Variants in NDUFA12 observed in about 807,000 individuals in gnomAD.
NDUFA12 encodes the protein NADH:ubiquinone oxidoreductase subunit A12, also known as NADH dehydrogenase [ubiquinone] 1 alpha subcomplex subunit 12.
In NDUFA12, 17 loss-of-function variants were observed where a neutral mutation model predicts 20.3. The ratio of observed to expected loss-of-function variants is 0.84; its 90% confidence interval spans 0.57 to 1.26. The LOEUF (loss-of-function observed/expected upper bound fraction) is 1.26, where lower values mean the gene tolerates loss of function less well. Among genes scored for constraint, NDUFA12 ranks in the 50% most tolerant of loss-of-function variants. The pLI is 0.00. For missense variants in NDUFA12, 191 were observed against 183.7 expected (o/e 1.04, Z -0.23); for synonymous variants, 72 against 63.6 (o/e 1.13, Z -0.63).
chr12:95,001,972 G>A (rs1032718963), intron 2 of NDUFA12, among the ~76,000 whole-genome samples: 7 of 151,904 alleles, frequency 4.6e-5, no homozygotes, highest in African/African-American at 1.4e-4. Context: ...CAAAGTGCTG[G>A]GATTACAGGC....
At chr12:94,991,290 A>C (rs1198237042) in intron 3 of NDUFA12, among the ~76,000 whole-genome samples, 1 of 152,018 alleles carries the variant, frequency 6.6e-6, no homozygotes, top group Non-Finnish European at 1.5e-5. Flanking sequence ...AATAATATTA[A>C]TAATAATAAA....
chr12:95,002,462 A>G lies in NDUFA12; in HGVS notation c.169+277T>C, dbSNP rs7965015. 0.28 allele frequency among the ~76,000 whole-genome samples: 37,151 copies of G among 132,712 alleles called. 6,901 individuals are homozygous for G. Among genetic ancestry groups the G allele is most frequent in the East Asian group, 0.36 (1,566 of 4,396 alleles). The allele number at this position is 132,712 out of a possible 152,430, so 87.1% of individuals were successfully genotyped here. On this transcript the variant is annotated intron_variant, in intron 2 of 3. Coordinates refer to ENST00000327772, the MANE Select transcript of NDUFA12 (RefSeq NM_018838.5). ...CAAAAAAAAAAAAAAAAAAAAAAAA[A>G]AAGAACAAAAACACTTCAAAATTTG... is the stretch of plus-strand genomic sequence containing the variant.
chr12:94,985,447 A>G (rs1874397319), intron 3 of NDUFA12, among the ~76,000 whole-genome samples: 1 of 151,434 alleles, frequency 6.6e-6, no homozygotes, highest in African/African-American at 2.4e-5. Context: ...ACATGGTGAA[A>G]CCTCGTCTCT....
At chr12:95,001,076 A>G (rs546864819) in intron 2 of NDUFA12, among the ~76,000 whole-genome samples, 1 of 151,966 alleles carries the variant, frequency 6.6e-6, no homozygotes, top group East Asian at 1.9e-4. Flanking sequence ...AGGCTGAGAC[A>G]AGAGGATGGC....
intron 3 of NDUFA12, among the ~76,000 whole-genome samples, chr12:94,987,072 A>G (rs906962219): frequency 1.1e-4 from 17 of 152,316 alleles, no homozygotes; most frequent in Admixed American, 7.2e-4. Context: ...TAACTTTAGA[A>G]TGGAGAAAAC....
At chr12:94,992,653 G>A (rs1445380600) in intron 3 of NDUFA12, among the ~76,000 whole-genome samples, 1 of 152,186 alleles carries the variant, frequency 6.6e-6, no homozygotes, top group Non-Finnish European at 1.5e-5. Context: ...TTCCTGCCTA[G>A]CTCACTCTCT....
At chr12:94,974,365 G>T (rs751790005) in intron 3 of NDUFA12, among the ~76,000 whole-genome samples, 2 of 152,082 alleles carry the variant, frequency 1.3e-5, no homozygotes, top group Non-Finnish European at 2.9e-5. Context: ...GGGAGGATAC[G>T]GAGAAAAGGG....
intron 3 of NDUFA12, among the ~76,000 whole-genome samples, chr12:94,975,661 G>T (rs903761406): frequency 1.3e-5 from 2 of 152,138 alleles, no homozygotes; most frequent in African/African-American, 4.8e-5. Flanking sequence ...TTATAACAGT[G>T]AAAGAATGGA....
chr12:94,996,456 G>A (rs925448349), intron 2 of NDUFA12, among the ~76,000 whole-genome samples: 10 of 151,486 alleles, frequency 6.6e-5, no homozygotes, highest in African/African-American at 2.4e-5. Context: ...TTACAGGCAT[G>A]AGCCACCATG....
chr12:95,000,049 G>A (rs1022217151), intron 2 of NDUFA12, among the ~76,000 whole-genome samples: 1 of 152,132 alleles, frequency 6.6e-6, no homozygotes, highest in Non-Finnish European at 1.5e-5. Context: ...AGCACAATTT[G>A]TAATTGCAAA....
intron 3 of NDUFA12, among the ~76,000 whole-genome samples, chr12:94,992,755 C>T (rs1212215740): frequency 6.6e-6 from 1 of 152,114 alleles, no homozygotes; most frequent in Non-Finnish European, 1.5e-5. Context: ...GCAATAAATG[C>T]CAGATACTAA....
At chr12:94,971,744 C>T in intron 3 of NDUFA12, 124 bp from the exon 4 acceptor site, 1 of 1,040,298 alleles carries the variant, frequency 9.6e-7, no homozygotes, top group Non-Finnish European at 1.5e-6. Flanking sequence ...CCATCAGTTA[C>T]TAGCTGAATT....
rs191893436 is a variant in NDUFA12 at position 95,002,632 on chromosome 12, T to A, written c.169+107A>T. Reference sequence around the variant, plus strand: ...TTTTCATTTTCTATTGAGTTTTTCATCCTTTTCCAGGTGTTTTGTAAAAGC... The same window carrying A: ...TTTTCATTTTCTATTGAGTTTTTCAACCTTTTCCAGGTGTTTTGTAAAAGC... On this transcript the variant is annotated intron_variant, in intron 2 of 3. Transcript: ENST00000327772. The A allele has an allele frequency of 5.5e-4, 459 of 830,644 alleles. No individual in the cohort carries two copies. The African/African-American group carries it at 7.0e-3, about 13-fold the overall frequency. 51.5% of individuals were successfully genotyped at this position (830,644 alleles called of 1,614,324 possible). A position where few individuals can be genotyped will look rare whatever the true frequency, so the allele number is the denominator to read the frequency against.
At position 94,971,345 on chromosome 12, in the gene NDUFA12, A is replaced by G. The variant is rs779324709; in HGVS notation, c.*95T>C. 147 of 1,423,226 alleles carry G rather than the reference A, an allele frequency of 1.0e-4. No homozygotes were observed. The highest frequency in any genetic ancestry group is 9.9e-5 in the Non-Finnish European group (100 of 1,011,712). The allele number at this position is 1,423,226 out of a possible 1,614,324, so 88.2% of individuals were successfully genotyped here. ...ACGAAAGACATTGTTTAGTCACACA[A>G]TTTTAATTGTGAATTATAGTGAATG... On this transcript the variant is annotated 3_prime_UTR_variant, in exon 4 of 4. Transcript: ENST00000327772.
At chr12:94,993,512 C>A (rs549477822) in intron 3 of NDUFA12, among the ~76,000 whole-genome samples, 1 of 148,288 alleles carries the variant, frequency 6.7e-6, no homozygotes, top group Non-Finnish European at 1.5e-5. Context: ...GTAGTCCCAG[C>A]TACTCGGGAG....
At chr12:94,974,191 C>T (rs181740953) in intron 3 of NDUFA12, among the ~76,000 whole-genome samples, 173 of 151,944 alleles carry the variant, frequency 1.1e-3, no homozygotes, top group African/African-American at 3.2e-3. Context: ...AGGCTGGTCT[C>T]GAACTCCTGG....
chr12:94,987,943 G>A (rs1874507589), intron 3 of NDUFA12, among the ~76,000 whole-genome samples: 1 of 152,034 alleles, frequency 6.6e-6, no homozygotes, highest in Non-Finnish European at 1.5e-5. Context: ...ATCAAGGACA[G>A]GAAATTGAGG....
chr12:94,984,910 A>C (rs1234278725), intron 3 of NDUFA12, among the ~76,000 whole-genome samples: 1 of 102,368 alleles, frequency 9.8e-6, no homozygotes, highest in African/African-American at 4.0e-5. Context: ...CCTGGGAAGC[A>C]GAGGTTGCAG....
chr12:94,974,033 G>T (rs552988010), intron 3 of NDUFA12, among the ~76,000 whole-genome samples: 3 of 145,904 alleles, frequency 2.1e-5, no homozygotes, highest in Non-Finnish European at 4.5e-5. Context: ...GTGCAGTGGT[G>T]ATATCTTGGC....
Sources: gnomAD v4.1 joint callset for allele counts (sites outside exome capture counted in the v4.1 genomes callset) on GRCh38, gnomAD v4.1.1 for gene constraint, MANE v1.5 for transcripts, NCBI Gene and HGNC (gene_info 2026-07-23, HGNC 2026-07-21) for gene names.